The following LARGE1 variants were observed in gnomAD, a reference collection of about 807,000 sequenced individuals.
LARGE1 encodes LARGE xylosyl- and glucuronyltransferase 1.
In LARGE1, 43 loss-of-function variants were observed where a neutral mutation model predicts 87.6. The observed-to-expected ratio is 0.49, with a 90% CI of 0.38 to 0.63. LARGE1 has a LOEUF of 0.63. Ranked by LOEUF, LARGE1 falls within the 30% of genes least tolerant of loss-of-function variation. LARGE1 has a pLI of 0.00. For synonymous variants in LARGE1, 434 were observed against 394.6 expected, an observed-to-expected ratio of 1.10 and a Z score of -1.18; for missense variants, 802 against 1,000.2, an observed-to-expected ratio of 0.80 and a Z score of 2.67.
At chr22:33,300,831 C>T (rs556000012) in intron 12 of LARGE1, among the ~76,000 whole-genome samples, 3 of 152,234 alleles carry the variant, frequency 2.0e-5, no homozygotes, top group South Asian at 4.1e-4. Context: ...TGAGCCACCG[C>T]GCCTGGCCAA....
At chr22:33,421,472 C>T (rs2066695387) in intron 7 of LARGE1, among the ~76,000 whole-genome samples, 1 of 152,128 alleles carries the variant, frequency 6.6e-6, no homozygotes, top group African/African-American at 2.4e-5. Flanking sequence ...GCAATACAGT[C>T]TCTTAATAGC....
chr22:33,253,135 G>C (rs969732581), intron 11 of LARGE1, among the ~76,000 whole-genome samples: 2 of 152,204 alleles, frequency 1.3e-5, no homozygotes, highest in South Asian at 2.1e-4. Context: ...CAGGCTGTGA[G>C]AACCTGAGAA....
chr22:33,839,330 G>T (rs114454389), intron 1 of LARGE1, among the ~76,000 whole-genome samples: 2 of 152,152 alleles, frequency 1.3e-5, no homozygotes, highest in Admixed American at 1.3e-4. Flanking sequence ...TCATCACCAA[G>T]GGGTCAGTGC....
the LARGE1 span, among the ~76,000 whole-genome samples, chr22:33,095,314 A>G: frequency 1.3e-5 from 2 of 152,134 alleles, no homozygotes; most frequent in African/African-American, 4.8e-5. Context: ...ATTGTCGGCA[A>G]TCCTTATTGT....
At chr22:33,294,816 AGG>A in intron 12 of LARGE1, among the ~76,000 whole-genome samples, 1 of 152,288 alleles carries the variant, frequency 6.6e-6, no homozygotes, top group Middle Eastern at 3.4e-3. Flanking sequence ...GTAAGTGTAT[AGG>A]GAATGGAGGA....
downstream of LARGE1, among the ~76,000 whole-genome samples, chr22:33,269,610 T>C (rs538701990): frequency 2.0e-5 from 3 of 152,352 alleles, no homozygotes; most frequent in Non-Finnish European, 2.9e-5. Flanking sequence ...TTCATGACAT[T>C]GTCCTGGCCT....
At chr22:33,786,508 T>C (rs944135554) in intron 1 of LARGE1, among the ~76,000 whole-genome samples, 1 of 152,156 alleles carries the variant, frequency 6.6e-6, no homozygotes, top group East Asian at 1.9e-4. Flanking sequence ...GTACAAAATA[T>C]TCCAACCTTA....
chr22:33,884,554 G>A (rs2064790128), intron 1 of LARGE1, among the ~76,000 whole-genome samples: 2 of 152,236 alleles, frequency 1.3e-5, no homozygotes, highest in African/African-American at 2.4e-5. Flanking sequence ...CAGGGAATCT[G>A]TGGGAGACCG....
At chr22:33,590,320 G>T (rs1245277095) in intron 5 of LARGE1, among the ~76,000 whole-genome samples, 1 of 152,144 alleles carries the variant, frequency 6.6e-6, no homozygotes, top group African/African-American at 2.4e-5. Context: ...AATTAAAGTT[G>T]TTATCCAGTA....
At chr22:33,312,930 A>G (rs2146269251) in intron 11 of LARGE1, among the ~76,000 whole-genome samples, 1 of 152,208 alleles carries the variant, frequency 6.6e-6, no homozygotes, top group East Asian at 1.9e-4. Context: ...AGTGGTGGGG[A>G]GCCTAGGTGT....
chr22:33,372,243 A>C (rs1023414384), intron 9 of LARGE1, among the ~76,000 whole-genome samples: 2 of 152,146 alleles, frequency 1.3e-5, no homozygotes, highest in African/African-American at 4.8e-5. Context: ...AATAGTTCTT[A>C]TTACAAAATG....
In LARGE1 at chr22:33,608,867, TG is replaced by T. The variant is rs2079341212; in HGVS notation, c.492-4310del. 3.9e-5 allele frequency among the ~76,000 whole-genome samples: 6 copies of T among 152,250 alleles called. 1 individual carries two copies. The South Asian group carries it at 1.2e-3, about 32-fold the overall frequency. On this transcript the variant is annotated intron_variant, in intron 4 of 14. Coordinates refer to ENST00000397394, the MANE Select transcript of LARGE1 (RefSeq NM_133642.5). ...CATCTCCAAAGCAGGAAAGAGATAA[TG>T]GGAAGCAAGGAATATTATACTGGAT...
intron 3 of LARGE1, among the ~76,000 whole-genome samples, chr22:33,631,733 T>C (rs2080116620): frequency 6.6e-6 from 1 of 152,210 alleles, no homozygotes; most frequent in Non-Finnish European, 1.5e-5. Context: ...GTATGATAAA[T>C]ACATACACTG....
intron 1 of LARGE1, among the ~76,000 whole-genome samples, chr22:33,780,499 C>T (rs11089631): frequency 0.19 from 29,409 of 152,126 alleles, 3,381 homozygotes; most frequent in Admixed American, 0.33. Context: ...TTGACAGCTG[C>T]CACAGGCCTC....
the LARGE1 span, among the ~76,000 whole-genome samples, chr22:33,078,810 T>G: frequency 6.6e-6 from 1 of 152,094 alleles, no homozygotes; most frequent in Admixed American, 6.6e-5. Flanking sequence ...GCACAGAGGG[T>G]CACAGAAAAG....
At chr22:33,519,758 A>G (rs2071481586) in intron 6 of LARGE1, among the ~76,000 whole-genome samples, 1 of 152,204 alleles carries the variant, frequency 6.6e-6, no homozygotes, top group Non-Finnish European at 1.5e-5. Flanking sequence ...AAAGAAAACA[A>G]TTCATTCTTT....
downstream of LARGE1, among the ~76,000 whole-genome samples, chr22:33,272,455 G>T (rs1928343235): frequency 6.6e-6 from 1 of 152,134 alleles, no homozygotes; most frequent in African/African-American, 2.4e-5. Flanking sequence ...GGCCTTGTGA[G>T]CATGTAGAAG....
chr22:33,474,356 T>C (rs1453672446), intron 6 of LARGE1, among the ~76,000 whole-genome samples: 1 of 152,128 alleles, frequency 6.6e-6, no homozygotes, highest in Non-Finnish European at 1.5e-5. Flanking sequence ...AGAAATGGGG[T>C]TTCACCATTT....
At chr22:33,917,844 C>G (rs117612434) in intron 1 of LARGE1, among the ~76,000 whole-genome samples, 1 of 152,258 alleles carries the variant, frequency 6.6e-6, no homozygotes, top group East Asian at 1.9e-4. Flanking sequence ...AAAAGTTCAT[C>G]TCAGGAACCC....
Sources: gnomAD v4.1 joint callset for allele counts (sites outside exome capture counted in the v4.1 genomes callset) on GRCh38, gnomAD v4.1.1 for gene constraint, MANE v1.5 for transcripts, NCBI Gene and HGNC (gene_info 2026-07-23, HGNC 2026-07-21) for gene names.